Variants in SI observed in about 807,000 individuals in gnomAD.
SI encodes the protein sucrase-isomaltase, intestinal.
In SI, 235 loss-of-function variants were observed where a neutral mutation model predicts 253.3. The observed-to-expected ratio is 0.93, with a 90% CI of 0.83 to 1.03. The LOEUF is 1.03. Ranked by LOEUF, SI falls within the 50% of genes least tolerant of loss-of-function variation. The pLI is 0.00. For missense variants in SI, 2,442 were observed against 2,211.1 expected (o/e 1.10, Z -2.09); for synonymous variants, 819 against 712.0 (o/e 1.15, Z -2.39).
intron 40 of SI, among the ~76,000 whole-genome samples, chr3:164,995,328 G>T (rs1186568386): frequency 6.6e-6 from 1 of 151,632 alleles, no homozygotes; most frequent in Non-Finnish European, 1.5e-5. Context: ...TAATCCTATT[G>T]CTGGTATTTC....
intron 44 of SI, among the ~76,000 whole-genome samples, chr3:164,991,061 T>C (rs1372700876): frequency 6.6e-6 from 1 of 152,004 alleles, no homozygotes; most frequent in East Asian, 1.9e-4. Flanking sequence ...AAACCTGGGG[T>C]TCCTTATTTG....
intron 44 of SI, among the ~76,000 whole-genome samples, chr3:164,989,020 G>A (rs1260853451): frequency 6.6e-6 from 1 of 151,728 alleles, no homozygotes. Flanking sequence ...CACCAGGATG[G>A]CACATGTATA....
Position 165,074,515 on chromosome 3 carries a change from G to T in SI, c.255+16C>A, listed in dbSNP as rs777969297. On this transcript the variant is annotated intron_variant, in intron 3 of 47. Transcript: ENST00000264382. Reference sequence around the variant, plus strand: ...GTATATATTCATTAAAAATATTAAAGACTTTTGCTGCAGACCTCTGTTGGG... The same window carrying T: ...GTATATATTCATTAAAAATATTAAATACTTTTGCTGCAGACCTCTGTTGGG... The T allele has an allele frequency of 2.6e-6, 4 of 1,564,966 alleles. No individual in the cohort carries two copies. Among genetic ancestry groups the T allele is most frequent in the East Asian group, 2.3e-5 (1 of 43,760 alleles).
chr3:164,991,556 T>C, intron 43 of SI, 79 bp from the exon 44 acceptor site: 1 of 1,444,716 alleles, frequency 6.9e-7, no homozygotes, highest in South Asian at 1.2e-5. Context: ...AGGATATACA[T>C]TTTAAAAAAT....
rs1338704598 is a variant in SI at position 165,074,590 on chromosome 3, C to T, written c.196G>A (p.Val66Met). The T allele has an allele frequency of 2.7e-5, 44 of 1,610,118 alleles. No homozygotes were observed. Among genetic ancestry groups the T allele is most frequent in the Non-Finnish European group, 3.5e-5 (41 of 1,177,398 alleles). ...NPSDSGKCPNVLNDPVNVRIN... is the reference protein window; with the variant it reads ...NPSDSGKCPNMLNDPVNVRIN... ...CTCACATTGACAGGATCATTTAACA[C>T]ATTTGGACATTTTCCTGAATCAGAA... Residue 66 changes from valine to methionine, a missense_variant, in exon 3 of 48, where the codon GTG (valine) becomes ATG (methionine). Physicochemically the swap from Val to Met is conservative, Grantham distance 21 (BLOSUM62 1). Coordinates refer to ENST00000264382, the MANE Select transcript of SI (RefSeq NM_001041.4).
At chr3:164,993,664 G>C (rs1200134566) in intron 41 of SI, among the ~76,000 whole-genome samples, 1 of 151,624 alleles carries the variant, frequency 6.6e-6, no homozygotes, top group Non-Finnish European at 1.5e-5. Flanking sequence ...ATAAGAATTT[G>C]ATTGTATTCA....
chr3:165,033,768 A>C (rs2108207538), intron 22 of SI, among the ~76,000 whole-genome samples: 1 of 151,676 alleles, frequency 6.6e-6, no homozygotes, highest in Admixed American at 6.6e-5. Flanking sequence ...TTTGAAAGAT[A>C]TTCTCTCCCT....
intron 1 of SI, among the ~76,000 whole-genome samples, chr3:165,076,753 A>T (rs1401346275): frequency 3.3e-5 from 5 of 151,714 alleles, no homozygotes; most frequent in African/African-American, 1.2e-4. Context: ...AAGATACCCA[A>T]ATGTAGACAG....
chr3:165,063,254 T>C (rs1714067943), intron 8 of SI, among the ~76,000 whole-genome samples, 188 bp downstream of exon 8: 1 of 152,054 alleles, frequency 6.6e-6, no homozygotes, highest in African/African-American at 2.4e-5. Context: ...CTCCCCAAAA[T>C]AGATGCGCTG....
At chr3:165,008,644 A>T (rs1718628955) in intron 35 of SI, among the ~76,000 whole-genome samples, 1 of 152,034 alleles carries the variant, frequency 6.6e-6, no homozygotes, top group East Asian at 1.9e-4. Context: ...TGCTTTATAC[A>T]ATCTTATATC....
intron 43 of SI, 68 bp downstream of exon 43, chr3:164,992,109 A>G: frequency 3.1e-6 from 4 of 1,302,330 alleles, no homozygotes; most frequent in Admixed American, 1.7e-5. Context: ...ACCGTTAATG[A>G]AAAGGCTAGG....
intron 7 of SI, among the ~76,000 whole-genome samples, chr3:165,064,247 C>A (rs116322193): frequency 1.3e-3 from 193 of 151,868 alleles, no homozygotes; most frequent in African/African-American, 4.5e-3. Flanking sequence ...TGATGAAGAG[C>A]TGACATGATA....
At chr3:164,986,928 A>T (rs1717466251) in intron 45 of SI, among the ~76,000 whole-genome samples, 1 of 152,188 alleles carries the variant, frequency 6.6e-6, no homozygotes, top group African/African-American at 2.4e-5. Flanking sequence ...TACCATAGGG[A>T]TTGACTATAT....
chr3:165,020,874 G>A (rs937797550), intron 27 of SI, among the ~76,000 whole-genome samples: 7 of 151,572 alleles, frequency 4.6e-5, no homozygotes, highest in Admixed American at 1.3e-4. Context: ...TATTTCAACA[G>A]TTTCAATAAA....
chr3:165,047,110 G>T, intron 15 of SI, 98 bp from the exon 16 acceptor site: 1 of 940,568 alleles, frequency 1.1e-6, no homozygotes, highest in Middle Eastern at 3.2e-4. Context: ...ATGTGATATA[G>T]TTTGGCTGTG....
At chr3:165,070,646 C>T (rs1455533209) in intron 3 of SI, among the ~76,000 whole-genome samples, 1 of 151,782 alleles carries the variant, frequency 6.6e-6, no homozygotes, top group African/African-American at 2.4e-5. Flanking sequence ...TCTATAAACA[C>T]ACAAAGGTGC....
chr3:165,075,008 A>T (rs1300164601), intron 2 of SI, among the ~76,000 whole-genome samples: 1 of 152,012 alleles, frequency 6.6e-6, no homozygotes, highest in Non-Finnish European at 1.5e-5. Flanking sequence ...GAAAAGATGG[A>T]GCAATATGAG....
In SI at chr3:165,067,095, G is replaced by C. The variant is rs531014330; in HGVS notation, c.635+245C>G. 5.7e-4 allele frequency among the ~76,000 whole-genome samples: 86 copies of C among 152,004 alleles called. 2 individuals are homozygous for C. Among genetic ancestry groups the C allele is most frequent in the Admixed American group, 5.0e-3 (76 of 15,236 alleles). On this transcript the variant is annotated intron_variant, in intron 6 of 47. Coordinates refer to ENST00000264382, the MANE Select transcript of SI (RefSeq NM_001041.4). Reference sequence around the variant, plus strand: ...GTATGTACAAATATATGCAAGGCTAGGGTTGCATTAGTGAAGCTCTCCACC... The same window carrying C: ...GTATGTACAAATATATGCAAGGCTACGGTTGCATTAGTGAAGCTCTCCACC...
intron 41 of SI, 25 bp from the exon 42 acceptor site, chr3:164,992,422 T>A: frequency 6.9e-7 from 1 of 1,459,436 alleles, no homozygotes; most frequent in Non-Finnish European, 9.6e-7. Context: ...CACAAATAAT[T>A]AAATTAAAAC....
Sources: allele counts gnomAD v4.1 joint callset (sites outside exome capture counted in the v4.1 genomes callset), GRCh38; gene constraint gnomAD v4.1.1; transcripts MANE v1.5; gene names NCBI Gene and HGNC (gene_info 2026-07-23, HGNC 2026-07-21).